Variants in JAZF1 observed in about 807,000 individuals in gnomAD.
JAZF1 encodes juxtaposed with another zinc finger protein 1.
A neutral mutation model predicts 26.4 loss-of-function variants in JAZF1; 8 were observed. The ratio of observed to expected loss-of-function variants is 0.30; its 90% CI spans 0.18 to 0.55. The LOEUF is 0.55. JAZF1 is among the 20% of genes least tolerant of loss of function. The pLI, the probability that JAZF1 is intolerant of heterozygous loss-of-function variation, is 0.94. For synonymous variants in JAZF1, 126 were observed against 122.3 expected, an observed-to-expected ratio of 1.03 and a Z score of -0.20; for missense variants, 199 against 322.0, an observed-to-expected ratio of 0.62 and a Z score of 2.92.
chr7:28,009,976 A>G (rs1449534826), intron 1 of JAZF1, among the ~76,000 whole-genome samples: 4 of 152,220 alleles, frequency 2.6e-5, no homozygotes, highest in Non-Finnish European at 5.9e-5. Context: ...TAGGTAAAAC[A>G]TAGAAGATCA....
chr7:28,050,785 A>G (rs561003238), intron 1 of JAZF1, among the ~76,000 whole-genome samples: 1 of 152,324 alleles, frequency 6.6e-6, no homozygotes, highest in Admixed American at 6.5e-5. Context: ...TTAATATTTT[A>G]CATATGCTTT....
At chr7:27,835,051 C>G (rs1359579454) in intron 4 of JAZF1, among the ~76,000 whole-genome samples, 1 of 152,158 alleles carries the variant, frequency 6.6e-6, no homozygotes, top group African/African-American at 2.4e-5. Flanking sequence ...TAGCAGGGTC[C>G]TTTTCCGTGG....
intron 1 of JAZF1, among the ~76,000 whole-genome samples, chr7:28,170,930 G>A (rs1251595347): frequency 1.3e-5 from 2 of 152,176 alleles, no homozygotes; most frequent in African/African-American, 4.8e-5. Flanking sequence ...TGCGTCGCAT[G>A]GGACTAACAC....
At chr7:27,957,941 G>C (rs895650932) in intron 2 of JAZF1, among the ~76,000 whole-genome samples, 3 of 152,106 alleles carry the variant, frequency 2.0e-5, no homozygotes, top group African/African-American at 7.2e-5. Context: ...CTATGCAATA[G>C]AAGACCTTGG....
chr7:28,130,380 A>C (rs1458826408), intron 1 of JAZF1, among the ~76,000 whole-genome samples: 1 of 152,248 alleles, frequency 6.6e-6, no homozygotes, highest in Non-Finnish European at 1.5e-5. Flanking sequence ...AATTCTGTTC[A>C]ACTAGGGAGT....
At chr7:27,884,421 C>T (rs906246437) in intron 3 of JAZF1, among the ~76,000 whole-genome samples, 2 of 152,224 alleles carry the variant, frequency 1.3e-5, no homozygotes, top group Admixed American at 6.5e-5. Flanking sequence ...GCCACTGCAT[C>T]GGGCAGGTAT....
intron 4 of JAZF1, among the ~76,000 whole-genome samples, chr7:27,834,888 GA>G (rs1782775551): frequency 6.6e-6 from 1 of 152,206 alleles, no homozygotes; most frequent in Non-Finnish European, 1.5e-5. Context: ...GTGTGTGAGA[GA>G]GACAGAAAGA....
chr7:27,972,865 A>G (rs1446520311), intron 2 of JAZF1, among the ~76,000 whole-genome samples: 1 of 152,022 alleles, frequency 6.6e-6, no homozygotes, highest in Non-Finnish European at 1.5e-5. Flanking sequence ...ACACACACAT[A>G]TACATATACG....
At chr7:27,863,085 T>C (rs7455527) in intron 3 of JAZF1, among the ~76,000 whole-genome samples, 6 of 152,238 alleles carry the variant, frequency 3.9e-5, no homozygotes, top group Non-Finnish European at 8.8e-5. Context: ...TTTAGGATCA[T>C]GAATTCACTA....
intron 2 of JAZF1, among the ~76,000 whole-genome samples, chr7:27,959,559 A>G (rs1274659153): frequency 6.6e-6 from 1 of 152,200 alleles, no homozygotes; most frequent in Non-Finnish European, 1.5e-5. Flanking sequence ...ACCCACGAGT[A>G]TACAGTAACC....
intron 1 of JAZF1, among the ~76,000 whole-genome samples, chr7:28,176,287 G>T (rs1315551494): frequency 6.6e-6 from 1 of 152,246 alleles, no homozygotes; most frequent in African/African-American, 2.4e-5. Flanking sequence ...TGACCTGCTA[G>T]TCTGGTACGA....
At chr7:28,171,816 A>G (rs1318943425) in intron 1 of JAZF1, among the ~76,000 whole-genome samples, 5 of 152,226 alleles carry the variant, frequency 3.3e-5, no homozygotes, top group Admixed American at 1.3e-4. Flanking sequence ...GTGAGGGCCA[A>G]TGAAATACTA....
At chr7:27,878,154 A>G (rs150931422) in intron 3 of JAZF1, among the ~76,000 whole-genome samples, 1 of 152,230 alleles carries the variant, frequency 6.6e-6, no homozygotes, top group African/African-American at 2.4e-5. Flanking sequence ...TTATGGAAAC[A>G]CACTTGCTGT....
At chr7:27,966,653 C>T (rs1193627979) in intron 2 of JAZF1, among the ~76,000 whole-genome samples, 3 of 152,164 alleles carry the variant, frequency 2.0e-5, no homozygotes, top group Non-Finnish European at 4.4e-5. Flanking sequence ...GGTAAGTTTG[C>T]AGCAATCGTT....
intron 1 of JAZF1, among the ~76,000 whole-genome samples, chr7:28,124,253 G>A (rs1398352624): frequency 6.6e-6 from 1 of 152,158 alleles, no homozygotes; most frequent in East Asian, 1.9e-4. Flanking sequence ...CACAGCGAGG[G>A]GGCGGCCATC....
intron 1 of JAZF1, among the ~76,000 whole-genome samples, chr7:28,034,469 T>TACACACACACACACACACACAC: frequency 6.9e-6 from 1 of 145,396 alleles, no homozygotes; most frequent in South Asian, 2.3e-4. Flanking sequence ...AGAAAACTAA[T>TACACACACACACACACACACAC]ACACACACAC....
chr7:27,920,615 G>A (rs1784511784), intron 2 of JAZF1, among the ~76,000 whole-genome samples: 2 of 152,198 alleles, frequency 1.3e-5, no homozygotes, highest in East Asian at 1.9e-4. Context: ...TGGGATAAAA[G>A]GGGAGCATGT....
chr7:28,036,650 T>C (rs1453413895), intron 1 of JAZF1, among the ~76,000 whole-genome samples: 1 of 152,218 alleles, frequency 6.6e-6, no homozygotes, highest in African/African-American at 2.4e-5. Context: ...CCAAATGCCA[T>C]GATGCCTTGT....
At chr7:27,839,825 CT>C (rs372716809) in intron 4 of JAZF1, among the ~76,000 whole-genome samples, 4 of 151,658 alleles carry the variant, frequency 2.6e-5, no homozygotes, top group South Asian at 2.1e-4. Context: ...CTTATGCTAT[CT>C]TTTTTTTTAA....
Sources: allele counts gnomAD v4.1 joint callset (sites outside exome capture counted in the v4.1 genomes callset), GRCh38; gene constraint gnomAD v4.1.1; transcripts MANE v1.5; gene names NCBI Gene and HGNC (gene_info 2026-07-23, HGNC 2026-07-21).